PCDHA10: variants seen among roughly 807,000 people sequenced by gnomAD.
The protein encoded by PCDHA10 is protocadherin alpha-10.
PCDHA10 carries 45 observed loss-of-function variants against 61.2 expected under a neutral mutation model. The ratio of observed to expected loss-of-function variants is 0.74; its 90% CI spans 0.58 to 0.94. PCDHA10 has a LOEUF of 0.94. Among genes scored for constraint, PCDHA10 ranks in the 40% least tolerant of loss-of-function variants. The probability of loss-of-function intolerance (pLI) is 0.00; values close to 1 mark genes in which losing one functional copy is unlikely to be tolerated. For synonymous variants in PCDHA10, 602 were observed against 548.8 expected (o/e 1.10, Z -1.35); for missense variants, 1,278 against 1,236.2 (o/e 1.03, Z -0.51).
intron 1 of PCDHA10, among the ~76,000 whole-genome samples, chr5:140,907,645 T>C (rs2073515740): frequency 1.3e-5 from 2 of 152,328 alleles, no homozygotes; most frequent in South Asian, 4.1e-4. Flanking sequence ...TGCTGGCAAA[T>C]TGGGCACTCA....
intron 1 of PCDHA10, chr5:140,927,524 C>G (rs781824669): frequency 1.2e-6 from 2 of 1,614,104 alleles, no homozygotes; most frequent in Admixed American, 1.7e-5. Flanking sequence ...GGCGGGCTAC[C>G]TGCCCGCTCA....
intron 3 of PCDHA10, among the ~76,000 whole-genome samples, chr5:141,001,642 G>A (rs1399710505): frequency 6.6e-6 from 1 of 152,110 alleles, no homozygotes; most frequent in African/African-American, 2.4e-5. Flanking sequence ...GGGGGTGAAG[G>A]TGTGGGAGAA....
Position 141,010,533 on chromosome 5 carries a change from C to T in PCDHA10, c.*596C>T, listed in dbSNP as rs1466502614. 4 of 390,018 alleles carry T rather than the reference C, an allele frequency of 1.0e-5. No homozygotes were observed. Among genetic ancestry groups the T allele is most frequent in the African/African-American group, 8.2e-5 (4 of 49,000 alleles). 24.2% of individuals were successfully genotyped at this position (390,018 alleles called of 1,614,324 possible). ...TACAACTCAAGAGGTGGCAGCCACCCTCTAGGAGACAAAACTACCCCCACT... is the reference window on the plus strand; with the variant it reads ...TACAACTCAAGAGGTGGCAGCCACCTTCTAGGAGACAAAACTACCCCCACT... On this transcript the variant is annotated 3_prime_UTR_variant, in exon 4 of 4. Transcript: ENST00000307360.
At chr5:140,951,247 A>G (rs185452142) in intron 1 of PCDHA10, among the ~76,000 whole-genome samples, 1 of 152,230 alleles carries the variant, frequency 6.6e-6, no homozygotes, top group Non-Finnish European at 1.5e-5. Context: ...TTAGGAATGC[A>G]TCACATTTTT....
In PCDHA10 at chr5:140,856,105, C is replaced by T. The variant is rs1287720041; in HGVS notation, c.57C>T (p.Leu19=). ...GVQCLLLSLL[L]LAAWEVGSGQ... is the part of the protein sequence containing the mutation. ...AGTGTCTGCTGCTCTCGCTTCTTCT[C>T]CTCGCAGCCTGGGAGGTGGGGAGCG... The change falls in exon 1 of 4, where the codon CTC becomes CTT. Residue 19 remains leucine (L), a synonymous_variant. Transcript: ENST00000307360. The T allele has an allele frequency of 1.3e-6, 2 of 1,598,000 alleles. No individual in the cohort carries two copies. Among genetic ancestry groups the T allele is most frequent in the Non-Finnish European group, 1.7e-6 (2 of 1,167,606 alleles).
chr5:140,965,654 G>A (rs1194762396), intron 1 of PCDHA10, among the ~76,000 whole-genome samples: 5 of 152,150 alleles, frequency 3.3e-5, no homozygotes, highest in Non-Finnish European at 7.4e-5. Flanking sequence ...GAAAGAAAAT[G>A]TCTTGGGTGA....
At chr5:141,005,610 G>C (rs1184044588) in intron 3 of PCDHA10, among the ~76,000 whole-genome samples, 1 of 147,582 alleles carries the variant, frequency 6.8e-6, no homozygotes, top group Non-Finnish European at 1.5e-5. Context: ...GCTGAGGCAG[G>C]AGAATGGCGT....
rs571779587 is a variant in PCDHA10 at position 140,961,550 on chromosome 5, C to CT, written c.2389-17392dup. 1.8e-3 allele frequency among the ~76,000 whole-genome samples: 273 copies of CT among 152,148 alleles called. 1 individual carries two copies. Among genetic ancestry groups the CT allele is most frequent in the Middle Eastern group, 3.4e-3 (1 of 294 alleles). ...TAGATAGACTGTTCCTGCAGCATTT[C>CT]TTTTTTTAAATTTTGTTTTGATAAG... On this transcript the variant is annotated intron_variant, in intron 1 of 3. Transcript: ENST00000307360.
At chr5:140,918,640 G>C (rs2078789038) in intron 1 of PCDHA10, among the ~76,000 whole-genome samples, 1 of 152,132 alleles carries the variant, frequency 6.6e-6, no homozygotes, top group Admixed American at 6.5e-5. Flanking sequence ...TTCATAAATT[G>C]AAACCTAATT....
At chr5:140,878,103 G>GA (rs748975221) in intron 1 of PCDHA10, 34 of 261,730 alleles carry the variant, frequency 1.3e-4, no homozygotes, top group Non-Finnish European at 2.0e-4. Context: ...GATGAACCTT[G>GA]AAAAAAACAG....
chr5:140,996,524 C>A (rs1303736536), intron 3 of PCDHA10, among the ~76,000 whole-genome samples: 3 of 152,048 alleles, frequency 2.0e-5, no homozygotes, highest in African/African-American at 7.2e-5. Flanking sequence ...TTAGAAAGGC[C>A]CTGTGTGTTT....
At chr5:140,927,220 A>T (rs1554204179) in intron 1 of PCDHA10, 1 of 1,614,090 alleles carries the variant, frequency 6.2e-7, no homozygotes, top group Admixed American at 1.7e-5. Flanking sequence ...GCTGCACAAG[A>T]TTCGGATTCA....
At position 140,856,052 on chromosome 5, in the gene PCDHA10, G is replaced by A. The variant is rs782444703; in HGVS notation, c.4G>A (p.Val2Ile). 5.7e-6 allele frequency: 9 copies of A among 1,585,062 alleles called. 1 individual carries two copies. Among genetic ancestry groups the A allele is most frequent in the African/African-American group, 5.4e-5 (4 of 73,974 alleles). The change falls in exon 1 of 4, where the codon GTT (valine) becomes ATT (isoleucine). Residue 2 changes from valine (V) to isoleucine (I), a missense_variant. By Grantham distance (29) the Val-to-Ile change is conservative. Coordinates refer to ENST00000307360, the MANE Select transcript of PCDHA10 (RefSeq NM_018901.4). M[V>I]SRCSCLGVQC... The stretch of plus-strand genomic sequence containing the variant: ...TGTAAAACAAGAGAAGGATAAGATG[G>A]TTTCCAGATGTAGCTGCCTGGGGGT...
At chr5:140,895,437 C>A (rs1250254286) in intron 1 of PCDHA10, among the ~76,000 whole-genome samples, 3 of 152,172 alleles carry the variant, frequency 2.0e-5, no homozygotes, top group Non-Finnish European at 2.9e-5. Context: ...TCCTGAGACT[C>A]TTTTCATGTG....
At chr5:140,888,752 C>A (rs782384703) in intron 1 of PCDHA10, among the ~76,000 whole-genome samples, 44 of 151,842 alleles carry the variant, frequency 2.9e-4, no homozygotes, top group Non-Finnish European at 5.7e-4. Context: ...TTATTCTACC[C>A]ACTTTTTTTT....
intron 1 of PCDHA10, among the ~76,000 whole-genome samples, chr5:140,950,234 T>C (rs1423756424): frequency 1.3e-5 from 2 of 152,028 alleles, no homozygotes; most frequent in Non-Finnish European, 2.9e-5. Flanking sequence ...TCTAGTGCCA[T>C]TAATTTGTTC....
intron 1 of PCDHA10, among the ~76,000 whole-genome samples, chr5:140,923,261 A>C (rs570487869): frequency 6.6e-6 from 1 of 152,322 alleles, no homozygotes; most frequent in East Asian, 1.9e-4. Flanking sequence ...CAACATAGTG[A>C]GACCTTGTCT....
intron 1 of PCDHA10, among the ~76,000 whole-genome samples, chr5:140,874,504 C>A (rs2054953142): frequency 6.6e-6 from 1 of 152,198 alleles, no homozygotes; most frequent in Admixed American, 6.5e-5. Flanking sequence ...AGTTCACATT[C>A]TCTTGACTTT....
chr5:140,869,141 G>T (rs782396331), intron 1 of PCDHA10: 1 of 1,613,314 alleles, frequency 6.2e-7, no homozygotes, highest in African/African-American at 1.3e-5. Flanking sequence ...GGCACCCCAC[G>T]ACTACAGCTC....
Sources: allele counts gnomAD v4.1 joint callset (sites outside exome capture counted in the v4.1 genomes callset), GRCh38; gene constraint gnomAD v4.1.1; transcripts MANE v1.5; gene names NCBI Gene and HGNC (gene_info 2026-07-23, HGNC 2026-07-21).